PTK2: variants seen among roughly 807,000 people sequenced by gnomAD.
The protein encoded by PTK2 is focal adhesion kinase 1.
PTK2 carries 45 observed loss-of-function variants against 150.1 expected under a neutral mutation model. The observed-to-expected ratio is 0.30, with a 90% CI of 0.24 to 0.38. PTK2 has a LOEUF of 0.38. Ranked by LOEUF, PTK2 falls within the 10% of genes least tolerant of loss-of-function variation. The probability of loss-of-function intolerance (pLI) is 1.00; values close to 1 mark genes in which losing one functional copy is unlikely to be tolerated. For missense variants in PTK2, 919 were observed against 1,307.3 expected (o/e 0.70, Z 4.58); for synonymous variants, 432 against 449.2 (o/e 0.96, Z 0.48).
Position 140,674,500 on chromosome 8 carries a change from G to A in PTK2, c.2603-96C>T, listed in dbSNP as rs558942642. The A allele has an allele frequency of 3.8e-5, 43 of 1,137,876 alleles. No individual in the cohort carries two copies. The African/African-American group carries it at 5.7e-4, about 15-fold the overall frequency. The allele number at this position is 1,137,876 out of a possible 1,614,324, so 70.5% of individuals were successfully genotyped here. On this transcript the variant is annotated intron_variant, in intron 28 of 31. Transcript: ENST00000522684. Reference sequence around the variant, plus strand: ...CATGCCTATAATCTCAGCACTTTGGGAGGCTGAAGCGGGCAGATCACCTGA... The same window carrying A: ...CATGCCTATAATCTCAGCACTTTGGAAGGCTGAAGCGGGCAGATCACCTGA...
chr8:140,764,482 G>A lies in PTK2; in HGVS notation c.1178-192C>T, dbSNP rs1298881248. On this transcript the variant is annotated intron_variant, in intron 14 of 31. Coordinates refer to ENST00000522684, the Ensembl canonical transcript of PTK2. ...TAAAAGTGACATCATTGTCCAATAC[G>A]TTATAATACACAGACTTGTTTATCG... 2.3e-5 allele frequency: 13 copies of A among 575,090 alleles called. 1 individual carries two copies. Among genetic ancestry groups the A allele is most frequent in the South Asian group, 7.1e-5 (3 of 42,200 alleles). 35.6% of individuals were successfully genotyped at this position (575,090 alleles called of 1,614,324 possible). A position where few individuals can be genotyped will look rare whatever the true frequency, so the allele number is the denominator to read the frequency against.
At chr8:140,837,257 C>A (rs1007337294) in intron 7 of PTK2, among the ~76,000 whole-genome samples, 1 of 152,114 alleles carries the variant, frequency 6.6e-6, no homozygotes, top group African/African-American at 2.4e-5. Context: ...GTGTCTTATA[C>A]TTTTCCTTTG....
intron 5 of PTK2, among the ~76,000 whole-genome samples, chr8:140,859,027 A>C (rs1398735840): frequency 6.6e-6 from 1 of 152,212 alleles, no homozygotes; most frequent in Non-Finnish European, 1.5e-5. Flanking sequence ...AAAGCAACTA[A>C]AACCGCTGAA....
chr8:140,835,382 T>C (rs1258909065), intron 7 of PTK2, among the ~76,000 whole-genome samples: 1 of 152,172 alleles, frequency 6.6e-6, no homozygotes, highest in Non-Finnish European at 1.5e-5. Context: ...CAGGCAAAAA[T>C]GCAGCCAAAA....
intron 27 of PTK2, among the ~76,000 whole-genome samples, chr8:140,684,338 T>C (rs2100018620): frequency 6.6e-6 from 1 of 152,212 alleles, no homozygotes; most frequent in South Asian, 2.1e-4. Context: ...AGGGTTCACA[T>C]GCCTACGAGA....
intron 1 of PTK2, chr8:140,940,541 A>G (rs2100175323): frequency 6.6e-6 from 1 of 152,198 alleles, no homozygotes; most frequent in East Asian, 1.9e-4. Flanking sequence ...AAGGGACATC[A>G]CTTGCCAAAA....
intron 23 of PTK2, among the ~76,000 whole-genome samples, chr8:140,708,641 T>C (rs2100035114): frequency 1.3e-5 from 2 of 151,628 alleles, no homozygotes; most frequent in Admixed American, 6.6e-5. Context: ...CAACATGAAT[T>C]CCCCCAAAAA....
intron 22 of PTK2, among the ~76,000 whole-genome samples, chr8:140,722,619 A>C (rs1278026773): frequency 6.6e-6 from 1 of 152,108 alleles, no homozygotes; most frequent in Non-Finnish European, 1.5e-5. Context: ...GGTCACTGGG[A>C]GCAGGAGACC....
intron 16 of PTK2, among the ~76,000 whole-genome samples, chr8:140,752,885 G>A (rs906080295): frequency 2.6e-5 from 4 of 152,218 alleles, no homozygotes; most frequent in African/African-American, 9.6e-5. Context: ...CAAGGAACAT[G>A]AGCAAGCCAG....
chr8:140,708,444 T>A (rs1452265339), intron 23 of PTK2, among the ~76,000 whole-genome samples: 1 of 152,164 alleles, frequency 6.6e-6, no homozygotes, highest in Non-Finnish European at 1.5e-5. Flanking sequence ...TAAACATATG[T>A]CCTCTGCTCT....
intron 1 of PTK2, among the ~76,000 whole-genome samples, chr8:140,973,600 A>G (rs7005909): frequency 0.42 from 63,933 of 152,024 alleles, 14,160 homozygotes; most frequent in South Asian, 0.55. Flanking sequence ...CTCTTTGCCA[A>G]CCACATAATC....
chr8:140,928,765 G>A (rs187163893), intron 1 of PTK2, among the ~76,000 whole-genome samples: 102 of 152,172 alleles, frequency 6.7e-4, no homozygotes, highest in African/African-American at 2.4e-3. Flanking sequence ...GTAGAATGGT[G>A]GTTTCCAGAG....
chr8:140,725,750 C>A (rs1349605203), intron 22 of PTK2, among the ~76,000 whole-genome samples: 3 of 151,640 alleles, frequency 2.0e-5, no homozygotes, highest in African/African-American at 7.3e-5. Flanking sequence ...AATAATGGAA[C>A]AGAGATTTGC....
At chr8:140,864,567 C>CA (rs1354571644) in intron 4 of PTK2, among the ~76,000 whole-genome samples, 168 bp from the exon 5 acceptor site, 1 of 152,098 alleles carries the variant, frequency 6.6e-6, no homozygotes, top group African/African-American at 2.4e-5. Context: ...CATTTTAGCA[C>CA]AAAAAAAGAG....
At chr8:140,867,788 A>C (rs2100140215) in intron 4 of PTK2, among the ~76,000 whole-genome samples, 1 of 152,242 alleles carries the variant, frequency 6.6e-6, no homozygotes, top group Admixed American at 6.5e-5. Flanking sequence ...AACACACTAC[A>C]GTCTAGCATA....
At chr8:140,729,249 C>T (rs1233075626) in intron 22 of PTK2, among the ~76,000 whole-genome samples, 1 of 152,100 alleles carries the variant, frequency 6.6e-6, no homozygotes, top group African/African-American at 2.4e-5. Context: ...CGCACAAAAT[C>T]AAAAACAAAA....
chr8:140,906,163 G>C (rs2100160792), intron 2 of PTK2, among the ~76,000 whole-genome samples: 1 of 152,030 alleles, frequency 6.6e-6, no homozygotes, highest in African/African-American at 2.4e-5. Flanking sequence ...AAACCACAAT[G>C]AGATACCATC....
chr8:140,801,353 A>T (rs146115304), intron 11 of PTK2, among the ~76,000 whole-genome samples: 1 of 152,340 alleles, frequency 6.6e-6, no homozygotes, highest in African/African-American at 2.4e-5. Context: ...ACACGAGTGT[A>T]TTTTGTCCAT....
At chr8:140,998,495 T>C (rs2100198644) in intron 1 of PTK2, among the ~76,000 whole-genome samples, 1 of 150,328 alleles carries the variant, frequency 6.7e-6, no homozygotes, top group South Asian at 2.1e-4. Flanking sequence ...GACCTAATCT[T>C]TTTTTTTTAA....
Sources: allele counts gnomAD v4.1 joint callset (sites outside exome capture counted in the v4.1 genomes callset), GRCh38; gene constraint gnomAD v4.1.1; transcripts MANE v1.5; gene names NCBI Gene and HGNC (gene_info 2026-07-23, HGNC 2026-07-21).